Variants in KCNIP4 observed in about 807,000 individuals in gnomAD.
The protein encoded by KCNIP4 is potassium voltage-gated channel interacting protein 4, also known as Kv channel-interacting protein 4.
In KCNIP4, 12 loss-of-function variants were observed where a neutral mutation model predicts 34.0. That is an observed-to-expected ratio of 0.35 (90% CI 0.23 to 0.57). The LOEUF (loss-of-function observed/expected upper bound fraction) is 0.57, where lower values mean the gene tolerates loss of function less well. Among genes scored for constraint, KCNIP4 ranks in the 20% least tolerant of loss-of-function variants. The pLI, the probability that KCNIP4 is intolerant of heterozygous loss-of-function variation, is 0.83. For synonymous variants in KCNIP4, 124 were observed against 102.2 expected, an observed-to-expected ratio of 1.21 and a Z score of -1.29; for missense variants, 238 against 311.7, an observed-to-expected ratio of 0.76 and a Z score of 1.78.
intron 1 of KCNIP4, among the ~76,000 whole-genome samples, chr4:21,509,390 T>C (rs1488313808): frequency 6.6e-6 from 1 of 152,204 alleles, no homozygotes. Context: ...AACCTCCTGC[T>C]GGAGACTTGG....
chr4:20,910,522 C>T (rs1033945619), intron 1 of KCNIP4, among the ~76,000 whole-genome samples: 4 of 152,116 alleles, frequency 2.6e-5, no homozygotes, highest in African/African-American at 9.7e-5. Context: ...GAATAGTGAT[C>T]ATAATCTATG....
chr4:21,590,375 G>A (rs73252298), intron 1 of KCNIP4, among the ~76,000 whole-genome samples: 9,747 of 152,028 alleles, frequency 0.064, 447 homozygotes, highest in African/African-American at 0.12. Context: ...GGGAAAAATA[G>A]ATTGCAGGGC....
chr4:21,338,565 C>G (rs1716418759), intron 1 of KCNIP4, among the ~76,000 whole-genome samples: 1 of 151,176 alleles, frequency 6.6e-6, no homozygotes, highest in Non-Finnish European at 1.5e-5. Context: ...TGGGATTGCG[C>G]CATTGCACTC....
chr4:21,459,632 G>A (rs962348777), intron 1 of KCNIP4, among the ~76,000 whole-genome samples: 2 of 152,088 alleles, frequency 1.3e-5, no homozygotes, highest in East Asian at 1.9e-4. Flanking sequence ...AAACTTGTCA[G>A]GTTCAAAACA....
chr4:21,130,205 C>T (rs1750956756), intron 1 of KCNIP4, among the ~76,000 whole-genome samples: 1 of 151,988 alleles, frequency 6.6e-6, no homozygotes, highest in South Asian at 2.1e-4. Flanking sequence ...AATCACCTCG[C>T]AAAATTGTAA....
chr4:20,950,524 C>A (rs1732671328), intron 1 of KCNIP4, among the ~76,000 whole-genome samples: 1 of 152,006 alleles, frequency 6.6e-6, no homozygotes, highest in African/African-American at 2.4e-5. Context: ...AATCAAAATC[C>A]CCAAGCCACT....
At position 21,746,374 on chromosome 4, in the gene KCNIP4, A is replaced by G. The variant is rs565770676; in HGVS notation, c.61+202197T>C. On this transcript the variant is annotated intron_variant, in intron 1 of 8. Transcript: ENST00000382152. Reference sequence around the variant, plus strand: ...CTAATAAGTAAAGGAATGCTAATTGAAGGTAAAATATCATTATATTTTTCA... The same window carrying G: ...CTAATAAGTAAAGGAATGCTAATTGGAGGTAAAATATCATTATATTTTTCA... 3.3e-5 allele frequency among the ~76,000 whole-genome samples: 5 copies of G among 152,276 alleles called. No individual in the cohort carries two copies. The South Asian group carries it at 1.0e-3, about 32-fold the overall frequency.
chr4:21,633,109 G>A (rs879036800), intron 1 of KCNIP4, among the ~76,000 whole-genome samples: 1 of 152,074 alleles, frequency 6.6e-6, no homozygotes, highest in Non-Finnish European at 1.5e-5. Flanking sequence ...TTTTGTACAA[G>A]CTCCCTCACA....
intron 1 of KCNIP4, among the ~76,000 whole-genome samples, chr4:21,773,685 T>G (rs2109195705): frequency 6.6e-6 from 1 of 152,218 alleles, no homozygotes; most frequent in East Asian, 1.9e-4. Flanking sequence ...TTTTTTGTCT[T>G]TCTTGGTTTA....
chr4:21,560,405 C>G (rs184599355), intron 1 of KCNIP4, among the ~76,000 whole-genome samples: 2 of 151,992 alleles, frequency 1.3e-5, no homozygotes, highest in Non-Finnish European at 2.9e-5. Flanking sequence ...CATGTAAGTG[C>G]CTATTATAGA....
intron 1 of KCNIP4, among the ~76,000 whole-genome samples, chr4:20,958,117 C>A (rs970557538): frequency 2.0e-5 from 3 of 152,162 alleles, no homozygotes; most frequent in African/African-American, 4.8e-5. Context: ...TCCTTAGTAA[C>A]CTTCCTCAAT....
intron 1 of KCNIP4, among the ~76,000 whole-genome samples, chr4:21,767,798 A>G (rs1403319347): frequency 6.6e-6 from 1 of 152,136 alleles, no homozygotes; most frequent in Non-Finnish European, 1.5e-5. Context: ...ACCTGAAAGC[A>G]AGCATCAAAT....
chr4:21,048,944 CTTTTT>C (rs949548104), intron 1 of KCNIP4, among the ~76,000 whole-genome samples: 6 of 96,046 alleles, frequency 6.2e-5, no homozygotes, highest in Admixed American at 5.0e-4. Context: ...TTCTGTTTAT[CTTTTT>C]TTTTTTTTTT....
intron 1 of KCNIP4, among the ~76,000 whole-genome samples, chr4:21,494,042 T>A (rs974010500): frequency 6.6e-6 from 1 of 152,222 alleles, no homozygotes; most frequent in Admixed American, 6.5e-5. Context: ...CATAACAATT[T>A]TATGTGGTAG....
At chr4:21,924,716 G>A (rs1729136083) in intron 1 of KCNIP4, among the ~76,000 whole-genome samples, 2 of 152,110 alleles carry the variant, frequency 1.3e-5, no homozygotes, top group Non-Finnish European at 1.5e-5. Context: ...TAGATAAACT[G>A]TTAATTTCAA....
chr4:21,668,015 G>A (rs759808341), intron 1 of KCNIP4, among the ~76,000 whole-genome samples: 2 of 152,174 alleles, frequency 1.3e-5, no homozygotes, highest in African/African-American at 2.4e-5. Flanking sequence ...TAAAGAAAAT[G>A]TGGTACATAT....
intron 1 of KCNIP4, among the ~76,000 whole-genome samples, chr4:20,972,096 A>T (rs183502328): frequency 2.0e-5 from 3 of 152,284 alleles, no homozygotes; most frequent in African/African-American, 7.2e-5. Context: ...TTCTAATTCT[A>T]GTTCTCTTGC....
chr4:21,736,009 A>G (rs571738234), intron 1 of KCNIP4, among the ~76,000 whole-genome samples: 2 of 152,314 alleles, frequency 1.3e-5, no homozygotes, highest in African/African-American at 4.8e-5. Flanking sequence ...AAGAAAGGAA[A>G]TCAGTCATTT....
chr4:21,490,620 T>A (rs1173702173), intron 1 of KCNIP4, among the ~76,000 whole-genome samples: 1 of 152,182 alleles, frequency 6.6e-6, no homozygotes, highest in Non-Finnish European at 1.5e-5. Flanking sequence ...ATTTAACAAG[T>A]CATTCTGTAA....
Sources: allele counts gnomAD v4.1 joint callset (sites outside exome capture counted in the v4.1 genomes callset), GRCh38; gene constraint gnomAD v4.1.1; transcripts MANE v1.5; gene names NCBI Gene and HGNC (gene_info 2026-07-23, HGNC 2026-07-21).